Variants in KIAA1549 observed in about 807,000 individuals in gnomAD.
KIAA1549 encodes the protein UPF0606 protein KIAA1549.
In KIAA1549, 70 loss-of-function variants were observed where a neutral mutation model predicts 156.4. The ratio of observed to expected loss-of-function variants is 0.45; its 90% CI spans 0.37 to 0.55. The LOEUF (loss-of-function observed/expected upper bound fraction) is 0.55, where lower values mean the gene tolerates loss of function less well. Among genes scored for constraint, KIAA1549 ranks in the 20% least tolerant of loss-of-function variants. KIAA1549 has a pLI of 0.00. For missense variants in KIAA1549, 2,428 were observed against 2,540.9 expected, an observed-to-expected ratio of 0.96 and a Z score of 0.96; for synonymous variants, 1,103 against 1,066.4, an observed-to-expected ratio of 1.03 and a Z score of -0.67.
chr7:138,942,865 G>A (rs1035560327), intron 1 of KIAA1549, among the ~76,000 whole-genome samples: 2 of 151,728 alleles, frequency 1.3e-5, no homozygotes, highest in Admixed American at 1.3e-4. Flanking sequence ...AGCCGAGATC[G>A]TGCCACTGCA....
intron 9 of KIAA1549, among the ~76,000 whole-genome samples, chr7:138,895,793 T>C (rs1428267329): frequency 6.6e-6 from 1 of 152,136 alleles, no homozygotes; most frequent in African/African-American, 2.4e-5. Context: ...ATTTGGAAAC[T>C]GAAGTCCTAA....
chr7:138,929,497 G>A (rs115655111), intron 1 of KIAA1549, among the ~76,000 whole-genome samples: 131 of 152,156 alleles, frequency 8.6e-4, no homozygotes, highest in African/African-American at 3.2e-3. Flanking sequence ...ATGAGGTTTC[G>A]CATCAACTTC....
intron 17 of KIAA1549, among the ~76,000 whole-genome samples, chr7:138,846,533 C>CAAA (rs1213246866): frequency 9.5e-4 from 57 of 59,948 alleles, no homozygotes; most frequent in African/African-American, 1.1e-3. Context: ...GACTCCATCT[C>CAAA]AAAAAAAAAA....
chr7:138,941,484 A>C (rs780682615), intron 1 of KIAA1549, among the ~76,000 whole-genome samples: 1 of 152,268 alleles, frequency 6.6e-6, no homozygotes, highest in Non-Finnish European at 1.5e-5. Context: ...CGATGGTTAA[A>C]CAGTTTCAAA....
intron 9 of KIAA1549, among the ~76,000 whole-genome samples, chr7:138,895,909 T>G (rs929913933): frequency 1.3e-5 from 2 of 152,068 alleles, no homozygotes; most frequent in Non-Finnish European, 2.9e-5. Flanking sequence ...AGTTGTCCAC[T>G]TTTACACGAA....
chr7:138,845,977 C>T (rs1810061875), intron 17 of KIAA1549, among the ~76,000 whole-genome samples: 1 of 152,162 alleles, frequency 6.6e-6, no homozygotes, highest in Non-Finnish European at 1.5e-5. Context: ...AGTCTCCACT[C>T]AAACAATGGG....
At chr7:138,903,279 C>A (rs956819284) in intron 8 of KIAA1549, among the ~76,000 whole-genome samples, 3 of 152,162 alleles carry the variant, frequency 2.0e-5, no homozygotes, top group African/African-American at 7.2e-5. Context: ...TAATTAAAAA[C>A]TACTATTTGA....
At chr7:138,886,526 C>G (rs975224724) in intron 10 of KIAA1549, among the ~76,000 whole-genome samples, 1 of 152,294 alleles carries the variant, frequency 6.6e-6, no homozygotes, top group African/African-American at 2.4e-5. Flanking sequence ...ATCCTCCTGC[C>G]TCAGCTTCCC....
rs117227363 is a variant in KIAA1549, at chr7:138,918,556, G to T, written c.1070C>A (p.Thr357Lys). ...ASHAALAFSRTHSPLLSTPLA... is the reference protein window; with the variant it reads ...ASHAALAFSRKHSPLLSTPLA... ...AGGAGTTGAAAGCAATGGAGAATGTGTCCTGCTGAATGCAAGGGCTGCGTG... is the reference window on the plus strand; with the variant it reads ...AGGAGTTGAAAGCAATGGAGAATGTTTCCTGCTGAATGCAAGGGCTGCGTG... Residue 357 changes from threonine to lysine, a missense_variant, in exon 2 of 20, where the codon ACA (threonine) becomes AAA (lysine). Physicochemically the swap from Thr to Lys is moderately conservative, Grantham distance 78. This residue lies in a region of KIAA1549 where 893 missense variants were observed against 847.9 expected (regional missense o/e 1.05). Transcript: ENST00000422774. This position sits in a 1 kb window ranked among gnomAD's most constrained non-coding sequence, Gnocchi z 4.2. The T allele has an allele frequency of 1.3e-4, 212 of 1,614,048 alleles. 2 individuals carry two copies. The South Asian group carries it at 1.7e-3, about 13-fold the overall frequency.
chr7:138,950,956 A>C (rs1169441582), intron 1 of KIAA1549, among the ~76,000 whole-genome samples: 1 of 151,814 alleles, frequency 6.6e-6, no homozygotes, highest in Admixed American at 6.6e-5. Context: ...CCTCGCCCTC[A>C]CCTCGGCCCA....
In KIAA1549 at chr7:138,948,373, C is replaced by T. The variant is rs370192147; in HGVS notation, c.188-28935G>A. 4.9e-4 allele frequency among the ~76,000 whole-genome samples: 75 copies of T among 152,202 alleles called. 1 individual carries two copies. In the East Asian group the frequency reaches 0.013, roughly 26 times the overall value. Reference sequence around the variant, plus strand: ...AAGCGGCTACAGGCCAAGGAGTGCCCAGGCCTGCCAGCAAATGCCCAGGCT... The same window carrying T: ...AAGCGGCTACAGGCCAAGGAGTGCCTAGGCCTGCCAGCAAATGCCCAGGCT... On this transcript the variant is annotated intron_variant, in intron 1 of 19. Transcript: ENST00000422774.
At chr7:138,903,444 T>A (rs575416501) in intron 8 of KIAA1549, 144 bp downstream of exon 8, 1 of 809,378 alleles carries the variant, frequency 1.2e-6, no homozygotes. Context: ...GGCTACCCAA[T>A]ATAGCGATCA....
In KIAA1549 at chr7:138,974,802, T is replaced by C. The variant is rs541033381; in HGVS notation, c.187+6281A>G. Among the ~76,000 whole-genome samples the C allele has an allele frequency of 2.7e-5, 4 of 150,548 alleles. No individual in the cohort carries two copies. In the East Asian group the frequency reaches 7.8e-4, roughly 29 times the overall value. ...GGTCTAGGGGACAATTCTAATCTAG[T>C]TGCCTGGTCAAATAAAATATGGTTC... On this transcript the variant is annotated intron_variant, in intron 1 of 19. Transcript: ENST00000422774.
At chr7:138,865,095 G>A (rs1211329128) in intron 15 of KIAA1549, among the ~76,000 whole-genome samples, 1 of 152,156 alleles carries the variant, frequency 6.6e-6, no homozygotes, top group African/African-American at 2.4e-5. Context: ...AGGCAAGGTG[G>A]CATGTGCCTG....
At position 138,935,022 on chromosome 7, in the gene KIAA1549, C is replaced by T. The variant is rs949592702; in HGVS notation, c.188-15584G>A. The stretch of plus-strand genomic sequence containing the variant: ...GTTCTATCTCCAACTTGCTCAGTGC[C>T]CCCCGGAGAAATCCCTCGTAATTAG... On this transcript the variant is annotated intron_variant, in intron 1 of 19. Coordinates refer to ENST00000422774, the MANE Select transcript of KIAA1549 (RefSeq NM_001164665.2). 3.9e-5 allele frequency among the ~76,000 whole-genome samples: 6 copies of T among 152,150 alleles called. No homozygotes were observed. The South Asian group carries it at 1.2e-3, about 32-fold the overall frequency.
chr7:138,943,821 C>T (rs1813263025), intron 1 of KIAA1549, among the ~76,000 whole-genome samples: 1 of 151,812 alleles, frequency 6.6e-6, no homozygotes, highest in Non-Finnish European at 1.5e-5. Flanking sequence ...TGCACTCCAG[C>T]CTGGGCGACA....
intron 1 of KIAA1549, among the ~76,000 whole-genome samples, chr7:138,980,489 A>G (rs1814512618): frequency 6.6e-6 from 1 of 152,200 alleles, no homozygotes; most frequent in Non-Finnish European, 1.5e-5. Context: ...CATTGTACTA[A>G]TAATGCCTTG....
chr7:138,842,085 G>C lies in KIAA1549; in HGVS notation c.5453-1807C>G, dbSNP rs914439325. ...TCCTTGCCCAACAGACGTTGTTTGA[G>C]CAAATCTTGCAAAATGCTGCAAGAG... On this transcript the variant is annotated intron_variant, in intron 18 of 19. Transcript: ENST00000422774. Among the ~76,000 whole-genome samples the C allele has an allele frequency of 6.6e-5, 10 of 152,174 alleles. 1 individual carries two copies. The South Asian group carries it at 2.1e-3, about 32-fold the overall frequency.
intron 8 of KIAA1549, among the ~76,000 whole-genome samples, chr7:138,903,345 G>T (rs1811896608): frequency 6.6e-6 from 1 of 152,186 alleles, no homozygotes; most frequent in South Asian, 2.1e-4. Context: ...GCTCTGCTCT[G>T]CAAGGTCTAT....
Sources: gnomAD v4.1 joint callset for allele counts (sites outside exome capture counted in the v4.1 genomes callset) on GRCh38, gnomAD v4.1.1 for gene constraint, gnomAD v4.1.1 regional missense constraint, Gnocchi (gnomAD v3.1) non-coding constraint, MANE v1.5 for transcripts, NCBI Gene and HGNC (gene_info 2026-07-23, HGNC 2026-07-21) for gene names.